Variants in PLEKHA8 observed in about 807,000 individuals in gnomAD.
PLEKHA8 encodes pleckstrin homology domain containing A8.
Under a neutral mutation model 68.2 loss-of-function variants are expected in PLEKHA8, and 36 were observed. That is an observed-to-expected ratio of 0.53 (90% confidence interval 0.40 to 0.70). The LOEUF (loss-of-function observed/expected upper bound fraction) is 0.70. Ranked by LOEUF, PLEKHA8 falls within the 30% of genes least tolerant of loss-of-function variation. The pLI is 0.00. For missense variants in PLEKHA8, 505 were observed against 615.4 expected, an observed-to-expected ratio of 0.82 and a Z score of 1.90; for synonymous variants, 211 against 216.1, an observed-to-expected ratio of 0.98 and a Z score of 0.20.
chr7:30,097,883 T>C (rs961660947), intron 13 of PLEKHA8, among the ~76,000 whole-genome samples: 2 of 152,228 alleles, frequency 1.3e-5, no homozygotes, highest in African/African-American at 4.8e-5. Context: ...CTGCGTTCCT[T>C]TGGAGGAGGA....
intron 1 of PLEKHA8, among the ~76,000 whole-genome samples, chr7:30,037,732 A>G (rs1791207484): frequency 6.6e-6 from 1 of 151,992 alleles, no homozygotes; most frequent in Middle Eastern, 3.4e-3. Flanking sequence ...AAGAGTTTAA[A>G]TAGTCCCTTT....
Position 30,054,875 on chromosome 7 carries a change from A to C in PLEKHA8, c.953+10A>C. 1 of 1,587,538 alleles carries C rather than the reference A, an allele frequency of 6.3e-7. No homozygotes were observed. The highest frequency in any genetic ancestry group is 8.6e-7 in the Non-Finnish European group (1 of 1,165,926). ...GTACCATGAACACAAGGTATTCTAG[A>C]CTCTTTAATATCACTGATGCTTGGA... On this transcript the variant is annotated intron_variant, in intron 8 of 13. Transcript: ENST00000449726.
At chr7:30,044,052 A>G (rs1484407121) in intron 1 of PLEKHA8, among the ~76,000 whole-genome samples, 4 of 123,188 alleles carry the variant, frequency 3.2e-5, no homozygotes, top group Admixed American at 1.6e-4. Flanking sequence ...TTTTTTTTTG[A>G]GACGGAGTCT....
intron 12 of PLEKHA8, among the ~76,000 whole-genome samples, chr7:30,068,301 T>TAG (rs1221732317): frequency 6.6e-6 from 1 of 152,232 alleles, no homozygotes; most frequent in East Asian, 1.9e-4. Flanking sequence ...ACCACATGAC[T>TAG]AGATATTGCC....
At chr7:30,050,131 G>A (rs1438961135) in intron 5 of PLEKHA8, among the ~76,000 whole-genome samples, 1 of 152,136 alleles carries the variant, frequency 6.6e-6, no homozygotes, top group Non-Finnish European at 1.5e-5. Context: ...AATGTTTAAT[G>A]AGCATAACTG....
chr7:30,106,571 A>G (rs914310832), intron 13 of PLEKHA8, among the ~76,000 whole-genome samples: 3 of 152,178 alleles, frequency 2.0e-5, no homozygotes, highest in African/African-American at 7.2e-5. Context: ...CTCTGGACCA[A>G]TATCACACTA....
At chr7:30,073,341 T>G (rs1446815662) in intron 12 of PLEKHA8, among the ~76,000 whole-genome samples, 1 of 152,090 alleles carries the variant, frequency 6.6e-6, no homozygotes, top group Non-Finnish European at 1.5e-5. Context: ...TTAGAGATTA[T>G]TTTACAAAGG....
chr7:30,056,312 CTATATA>C (rs1554385029), intron 9 of PLEKHA8, among the ~76,000 whole-genome samples: 2 of 94,544 alleles, frequency 2.1e-5, no homozygotes, highest in East Asian at 2.8e-4. Context: ...CTCTCTCTCT[CTATATA>C]TATATATATA....
At chr7:30,094,811 T>C (rs1430503394), downstream of PLEKHA8, among the ~76,000 whole-genome samples, 2 of 151,838 alleles carry the variant, frequency 1.3e-5, no homozygotes, top group Non-Finnish European at 2.9e-5. Flanking sequence ...TTGCTGAGAA[T>C]GGTGGTTTCC....
chr7:30,072,466 A>C (rs890084822), intron 12 of PLEKHA8, among the ~76,000 whole-genome samples: 3 of 152,278 alleles, frequency 2.0e-5, no homozygotes, highest in African/African-American at 7.2e-5. Context: ...CTAGAATGAC[A>C]TAATTTCAAA....
At chr7:30,066,615 C>T (rs1163096270) in intron 12 of PLEKHA8, among the ~76,000 whole-genome samples, 2 of 152,220 alleles carry the variant, frequency 1.3e-5, no homozygotes, top group African/African-American at 4.8e-5. Flanking sequence ...GAGTCCCCCT[C>T]TCCATTGCAT....
chr7:30,095,552 G>T (rs1258268591), downstream of PLEKHA8, among the ~76,000 whole-genome samples: 3 of 152,164 alleles, frequency 2.0e-5, no homozygotes, highest in East Asian at 3.9e-4. Flanking sequence ...GTCAATTTTG[G>T]CTTTTGTTGC....
At chr7:30,088,218 T>C (rs1055999998), downstream of PLEKHA8, among the ~76,000 whole-genome samples, 2 of 152,238 alleles carry the variant, frequency 1.3e-5, no homozygotes, top group Non-Finnish European at 2.9e-5. Flanking sequence ...AAATAATTTA[T>C]GTGTTTTTTT....
intron 13 of PLEKHA8, among the ~76,000 whole-genome samples, chr7:30,115,030 C>G (rs1467090030): frequency 6.6e-6 from 1 of 152,122 alleles, no homozygotes; most frequent in Non-Finnish European, 1.5e-5. Flanking sequence ...CTTTTAAAAA[C>G]TGCTGCAGTT....
intron 4 of PLEKHA8, among the ~76,000 whole-genome samples, chr7:30,048,890 T>C (rs1186528783): frequency 3.9e-5 from 6 of 152,140 alleles, no homozygotes; most frequent in Non-Finnish European, 8.8e-5. Flanking sequence ...TCAGTCCTGC[T>C]CTTGGGAAGT....
In PLEKHA8 at chr7:30,074,077, C is replaced by T. The variant is rs540597682; in HGVS notation, c.1307C>T (p.Ala436Val). The change falls in exon 13 of 14, where the codon GCA (alanine) becomes GTA (valine). Residue 436 changes from alanine (A) to valine (V), a missense_variant. Ala to Val is a moderately conservative substitution (Grantham distance 64, BLOSUM62 0). Coordinates refer to ENST00000449726, the MANE Select transcript of PLEKHA8 (RefSeq NM_001197026.2). ...AGTTTTTCTTCTTTTCAAGATAATG[C>T]ATATGGTAAAACATTGCGGCAACAC... is the stretch of plus-strand genomic sequence containing the variant. ...EKDIQTALNN[A>V]YGKTLRQHHG... 4 of 1,611,980 alleles carry T rather than the reference C, an allele frequency of 2.5e-6. No individual in the cohort carries two copies. Among genetic ancestry groups the T allele is most frequent in the African/African-American group, 2.7e-5 (2 of 74,884 alleles).
chr7:30,129,302 C>T, exon 14 of PLEKHA8: 3 of 1,612,748 alleles, frequency 1.9e-6, no homozygotes, highest in Non-Finnish European at 2.5e-6. Context: ...CTCCAGAAAC[C>T]ATCATGGACC....
chr7:30,036,410 AG>A (rs1791085689), intron 1 of PLEKHA8, among the ~76,000 whole-genome samples: 1 of 7,826 alleles, frequency 1.3e-4, no homozygotes, highest in Non-Finnish European at 3.2e-4. Flanking sequence ...AGGATAGAAT[AG>A]ATAGATAGAT....
At position 30,050,566 on chromosome 7, in the gene PLEKHA8, G is replaced by T; in HGVS notation, c.638+92G>T. The T allele has an allele frequency of 2.2e-6, 3 of 1,378,126 alleles. No individual in the cohort carries two copies. In the East Asian group the frequency reaches 7.9e-5, roughly 36 times the overall value. The allele number at this position is 1,378,126 out of a possible 1,614,324, so 85.4% of individuals were successfully genotyped here. On this transcript the variant is annotated intron_variant, in intron 6 of 13. Coordinates refer to ENST00000449726, the MANE Select transcript of PLEKHA8 (RefSeq NM_001197026.2). ...AAAAAAGATACTTTGATCTTGTAAT[G>T]GTTTTTCTCAGGATTTGAAATAATA...
Sources: allele counts gnomAD v4.1 joint callset (sites outside exome capture counted in the v4.1 genomes callset), GRCh38; gene constraint gnomAD v4.1.1; transcripts MANE v1.5; gene names NCBI Gene and HGNC (gene_info 2026-07-23, HGNC 2026-07-21).